Variants in NCOA1 observed in about 807,000 individuals in gnomAD.
The protein encoded by NCOA1 is nuclear receptor coactivator 1.
In NCOA1, 35 loss-of-function variants were observed where a neutral mutation model predicts 150.9. That is an observed-to-expected ratio of 0.23 (90% confidence interval 0.18 to 0.31). The LOEUF (loss-of-function observed/expected upper bound fraction) is 0.31, where lower values mean the gene tolerates loss of function less well. Ranked by LOEUF, NCOA1 falls within the 10% of genes least tolerant of loss-of-function variation. The pLI is 1.00. For missense variants in NCOA1, 1,491 were observed against 1,749.3 expected, an observed-to-expected ratio of 0.85 and a Z score of 2.63; for synonymous variants, 590 against 630.0, an observed-to-expected ratio of 0.94 and a Z score of 0.95.
At position 24,657,735 on chromosome 2, in the gene NCOA1, A is replaced by G. The variant is rs1037741387; in HGVS notation, c.-17-926A>G. On this transcript the variant is annotated intron_variant, in intron 4 of 22. Transcript: ENST00000348332. ...TTTTTCAGTATGGCTGCTAACATAC[A>G]GTGCTGTAGTTTAATAATTTAGAAT... is the stretch of plus-strand genomic sequence containing the variant. Among the ~76,000 whole-genome samples, 4 of 152,320 alleles carry G rather than the reference A, an allele frequency of 2.6e-5. No homozygotes were observed. The East Asian group carries it at 7.7e-4, about 29-fold the overall frequency.
chr2:24,639,832 G>A (rs1419696812), intron 3 of NCOA1, among the ~76,000 whole-genome samples: 1 of 149,256 alleles, frequency 6.7e-6, no homozygotes, highest in Non-Finnish European at 1.5e-5. Flanking sequence ...AGGTTGCAGT[G>A]AGCAGAGATC....
At chr2:24,604,583 A>C (rs1293013224) in intron 3 of NCOA1, among the ~76,000 whole-genome samples, 1 of 152,218 alleles carries the variant, frequency 6.6e-6, no homozygotes, top group Admixed American at 6.5e-5. Context: ...AATCTCTGTT[A>C]GCTTCAAACT....
At chr2:24,694,810 A>G (rs1672824869) in intron 10 of NCOA1, among the ~76,000 whole-genome samples, 1 of 152,024 alleles carries the variant, frequency 6.6e-6, no homozygotes, top group Non-Finnish European at 1.5e-5. Context: ...ACAAAAATTT[A>G]TTTAAATTTT....
chr2:24,532,549 T>A (rs951270806), intron 1 of NCOA1, among the ~76,000 whole-genome samples: 1 of 152,214 alleles, frequency 6.6e-6, no homozygotes, highest in East Asian at 1.9e-4. Flanking sequence ...CTGAATGGTA[T>A]TGCCTAGGTT....
chr2:24,651,663 A>T (rs7595787), intron 4 of NCOA1, among the ~76,000 whole-genome samples: 6,417 of 152,132 alleles, frequency 0.042, 209 homozygotes, highest in African/African-American at 0.092. Flanking sequence ...ATCTCATGAC[A>T]TCATGTTGTA....
intron 1 of NCOA1, among the ~76,000 whole-genome samples, chr2:24,538,450 A>C (rs1665256621): frequency 6.6e-6 from 1 of 152,226 alleles, no homozygotes; most frequent in South Asian, 2.1e-4. Context: ...CGGGAATCAG[A>C]AGATCTGGAT....
At chr2:24,492,438 T>C (rs984274376) in intron 1 of NCOA1, among the ~76,000 whole-genome samples, 14 of 152,292 alleles carry the variant, frequency 9.2e-5, no homozygotes, top group African/African-American at 3.4e-4. Context: ...TTTTATTTTA[T>C]TTAAAAGCAG....
chr2:24,494,293 C>T (rs1430454747), intron 1 of NCOA1, among the ~76,000 whole-genome samples: 1 of 152,162 alleles, frequency 6.6e-6, no homozygotes, highest in African/African-American at 2.4e-5. Flanking sequence ...TGTTTTAGTT[C>T]TCCCTGCTTG....
chr2:24,754,350 T>C (rs1319181309), intron 20 of NCOA1, among the ~76,000 whole-genome samples: 3 of 152,136 alleles, frequency 2.0e-5, no homozygotes, highest in Non-Finnish European at 4.4e-5. Flanking sequence ...CCACATCATC[T>C]TGTTCCTGGA....
At chr2:24,514,028 C>A (rs1664045892) in intron 1 of NCOA1, among the ~76,000 whole-genome samples, 1 of 152,042 alleles carries the variant, frequency 6.6e-6, no homozygotes, top group South Asian at 2.1e-4. Context: ...GTGGCTCATG[C>A]CTGTAATCTC....
At chr2:24,505,950 G>A (rs200939025) in intron 1 of NCOA1, among the ~76,000 whole-genome samples, 4 of 151,840 alleles carry the variant, frequency 2.6e-5, no homozygotes, top group East Asian at 3.9e-4. Flanking sequence ...CAGAGCTGGC[G>A]GAGACAGATA....
At chr2:24,618,203 C>T (rs558724492) in intron 3 of NCOA1, among the ~76,000 whole-genome samples, 3 of 152,240 alleles carry the variant, frequency 2.0e-5, no homozygotes, top group Non-Finnish European at 4.4e-5. Flanking sequence ...CTTTTTCACT[C>T]CCAACACTTG....
At chr2:24,544,948 A>T (rs1381452956) in intron 1 of NCOA1, among the ~76,000 whole-genome samples, 1 of 152,182 alleles carries the variant, frequency 6.6e-6, no homozygotes, top group Non-Finnish European at 1.5e-5. Flanking sequence ...GCTAGAATGA[A>T]CCATGTGGTA....
At chr2:24,586,762 A>G (rs1409805263) in intron 3 of NCOA1, among the ~76,000 whole-genome samples, 1 of 152,056 alleles carries the variant, frequency 6.6e-6, no homozygotes, top group Non-Finnish European at 1.5e-5. Flanking sequence ...CCAGCTTGCT[A>G]TACTTCTTTA....
chr2:24,560,612 C>T (rs184475267), intron 1 of NCOA1, among the ~76,000 whole-genome samples: 31 of 152,226 alleles, frequency 2.0e-4, no homozygotes, highest in Admixed American at 2.0e-3. Context: ...TAGGTTTGAA[C>T]CCAGGCTATT....
chr2:24,500,513 G>A (rs554418029), intron 1 of NCOA1, among the ~76,000 whole-genome samples: 1 of 152,224 alleles, frequency 6.6e-6, no homozygotes, highest in South Asian at 2.1e-4. Context: ...AGTTTACAGG[G>A]GCTTGGGTAA....
chr2:24,627,121 G>GTTTTTTTTTTTTTTTTTTTTTTT (rs33949925), intron 3 of NCOA1, among the ~76,000 whole-genome samples: 1 of 115,162 alleles, frequency 8.7e-6, no homozygotes, highest in Non-Finnish European at 1.7e-5. Flanking sequence ...GTTTTTTGCT[G>GTTTTTTTTTTTTTTTTTTTTTTT]TTTTTTTTTT....
intron 1 of NCOA1, among the ~76,000 whole-genome samples, chr2:24,537,422 A>G (rs183001730): frequency 2.9e-4 from 44 of 151,802 alleles, no homozygotes; most frequent in East Asian, 7.7e-4. Flanking sequence ...TTATATATAT[A>G]TGTGTGTGTG....
intron 3 of NCOA1, among the ~76,000 whole-genome samples, chr2:24,589,630 G>GGTGGTGTGT (rs1553433029): frequency 6.8e-6 from 1 of 147,450 alleles, no homozygotes; most frequent in South Asian, 2.2e-4. Context: ...AGAGGTTGGT[G>GGTGGTGTGT]GTGTGTGTGT....
Sources: allele counts gnomAD v4.1 joint callset (sites outside exome capture counted in the v4.1 genomes callset), GRCh38; gene constraint gnomAD v4.1.1; transcripts MANE v1.5; gene names NCBI Gene and HGNC (gene_info 2026-07-23, HGNC 2026-07-21).